Variants in GAB4 observed in about 807,000 individuals in gnomAD.
GAB4 encodes the protein GRB2 associated binding protein family member 4.
A neutral mutation model predicts 51.3 loss-of-function variants in GAB4; 26 were observed. The ratio of observed to expected loss-of-function variants is 0.51; its 90% CI spans 0.37 to 0.70. GAB4 has a LOEUF of 0.70. GAB4 is among the 30% of genes least tolerant of loss of function. GAB4 has a pLI of 0.00. For synonymous variants in GAB4, 329 were observed against 291.2 expected, an observed-to-expected ratio of 1.13 and a Z score of -1.32; for missense variants, 759 against 734.6, an observed-to-expected ratio of 1.03 and a Z score of -0.38.
At chr22:17,001,677 C>T (rs756992276) in intron 1 of GAB4, among the ~76,000 whole-genome samples, 5 of 152,182 alleles carry the variant, frequency 3.3e-5, no homozygotes, top group South Asian at 2.1e-4. Flanking sequence ...AGCTTTGCTC[C>T]GTTGCTGTAG....
At chr22:16,982,010 T>A (rs1227758709) in intron 3 of GAB4, among the ~76,000 whole-genome samples, 1 of 152,100 alleles carries the variant, frequency 6.6e-6, no homozygotes, top group African/African-American at 2.4e-5. Context: ...AAATGCTACA[T>A]CCCTTGACAA....
chr22:16,963,960 G>T, intron 8 of GAB4, 131 bp from the exon 9 acceptor site: 1 of 670,950 alleles, frequency 1.5e-6, no homozygotes, highest in Non-Finnish European at 2.6e-6. Context: ...GGCACTCTCT[G>T]CTCATTCAAA....
chr22:17,004,151 T>C (rs2061020262), intron 1 of GAB4, among the ~76,000 whole-genome samples: 1 of 152,116 alleles, frequency 6.6e-6, no homozygotes, highest in African/African-American at 2.4e-5. Context: ...AATAAACCAA[T>C]AATAAATTCT....
At chr22:16,999,725 G>C (rs2060980730) in intron 1 of GAB4, among the ~76,000 whole-genome samples, 1 of 152,126 alleles carries the variant, frequency 6.6e-6, no homozygotes, top group Admixed American at 6.5e-5. Context: ...TCTTTTAATT[G>C]TGATATTAGG....
At chr22:16,964,328 C>T (rs1447550173) in intron 8 of GAB4, among the ~76,000 whole-genome samples, 4 of 152,198 alleles carry the variant, frequency 2.6e-5, no homozygotes, top group Non-Finnish European at 5.9e-5. Flanking sequence ...AATATCTATG[C>T]AGCAACTATC....
intron 3 of GAB4, among the ~76,000 whole-genome samples, chr22:16,978,890 T>G (rs1337691506): frequency 6.6e-6 from 1 of 152,166 alleles, no homozygotes; most frequent in Non-Finnish European, 1.5e-5. Flanking sequence ...CGAAAATCAA[T>G]AAATGTAATC....
chr22:16,990,071 C>G (rs536818028), intron 2 of GAB4, among the ~76,000 whole-genome samples: 56 of 152,346 alleles, frequency 3.7e-4, no homozygotes, highest in African/African-American at 1.0e-3. Context: ...TAAGCCAGAG[C>G]CCAGGCATCA....
chr22:16,985,848 A>G (rs2060862808), intron 3 of GAB4, among the ~76,000 whole-genome samples: 1 of 152,242 alleles, frequency 6.6e-6, no homozygotes, highest in Non-Finnish European at 1.5e-5. Context: ...AAGACATACT[A>G]TATGCCCTGC....
intron 1 of GAB4, among the ~76,000 whole-genome samples, chr22:16,994,191 T>G (rs1485183393): frequency 6.6e-6 from 1 of 152,198 alleles, no homozygotes; most frequent in Non-Finnish European, 1.5e-5. Flanking sequence ...TCTCCTGTTT[T>G]GTGAAATCAC....
intron 1 of GAB4, among the ~76,000 whole-genome samples, chr22:17,003,334 T>C (rs1051126427): frequency 3.3e-5 from 5 of 152,200 alleles, no homozygotes; most frequent in African/African-American, 9.6e-5. Context: ...GTGGACCTAA[T>C]AGACATCTAC....
rs556776741 is a variant in GAB4, at chr22:16,964,943, T to C, written c.1380-81A>G. 273 of 1,064,240 alleles carry C rather than the reference T, an allele frequency of 2.6e-4. 1 individual carries two copies. The East Asian group carries it at 6.2e-3, about 24-fold the overall frequency. The allele number at this position is 1,064,240 out of a possible 1,614,324, so 65.9% of individuals were successfully genotyped here. ...AGGGCTCCAGCCTCCAGCTGGGCCC[T>C]GACTTCAAGCATCCAGGCCTCACAC... is the stretch of plus-strand genomic sequence containing the variant. On this transcript the variant is annotated intron_variant, in intron 7 of 9. Coordinates refer to ENST00000400588, the MANE Select transcript of GAB4 (RefSeq NM_001037814.1).
At position 16,963,714 on chromosome 22, in the gene GAB4, AC is replaced by A; in HGVS notation, c.1581+10del. The A allele has an allele frequency of 6.2e-7, 1 of 1,607,418 alleles. No individual in the cohort carries two copies. On this transcript the variant is annotated intron_variant, in intron 9 of 9. Coordinates refer to ENST00000400588, the MANE Select transcript of GAB4 (RefSeq NM_001037814.1). ...AAGGGCTCTGCCCAACCCCAGCTCC[AC>A]CCCAGGCACCTTGCTCGGCTGGAAG...
At chr22:16,966,503 GTCTT>G in intron 5 of GAB4, 139 bp from the exon 6 acceptor site, 6 of 851,660 alleles carry the variant, frequency 7.0e-6, no homozygotes, top group Non-Finnish European at 1.1e-5. Flanking sequence ...GGGGGCTGCT[GTCTT>G]CAGCAGCCAC....
intron 9 of GAB4, 37 bp downstream of exon 9, chr22:16,963,688 C>T (rs1342341530): frequency 1.3e-6 from 2 of 1,517,262 alleles, no homozygotes; most frequent in African/African-American, 1.4e-5. Flanking sequence ...CCCCAGGGCC[C>T]AAGGGCTCTG....
chr22:16,996,048 C>T (rs1341501257), intron 1 of GAB4, among the ~76,000 whole-genome samples: 1 of 151,842 alleles, frequency 6.6e-6, no homozygotes, highest in Non-Finnish European at 1.5e-5. Context: ...TGCAAGGAAG[C>T]TAAGAACCTT....
At chr22:16,991,762 A>G in intron 2 of GAB4, 111 bp downstream of exon 2, 1 of 916,796 alleles carries the variant, frequency 1.1e-6, no homozygotes, top group Non-Finnish European at 1.7e-6. Flanking sequence ...TAGCTTCATC[A>G]CGAGCCCAAC....
chr22:16,991,596 C>G (rs1205869218), intron 2 of GAB4, among the ~76,000 whole-genome samples: 2 of 152,130 alleles, frequency 1.3e-5, no homozygotes, highest in Non-Finnish European at 2.9e-5. Flanking sequence ...GCCAGAACAG[C>G]CAGAGATGGA....
At chr22:16,991,556 G>C (rs1385861774) in intron 2 of GAB4, among the ~76,000 whole-genome samples, 1 of 152,178 alleles carries the variant, frequency 6.6e-6, no homozygotes, top group African/African-American at 2.4e-5. Context: ...CAAGGGTCAA[G>C]TGCAACTGTG....
In GAB4 at chr22:16,970,177, GGGAGAAGCT is replaced by G. The variant is rs2060718719; in HGVS notation, c.694_702del (p.Ser232_Ser234del). ...ATGATGAATGGGGCCTCAGAACCCT[GGGAGAAGCT>G]GGCACTCCTAAGAGAGAGAAAGAAG... On this transcript the variant is annotated inframe_deletion, in exon 4 of 10. Coordinates refer to ENST00000400588, the MANE Select transcript of GAB4 (RefSeq NM_001037814.1). 2 of 1,614,106 alleles carry G rather than the reference GGGAGAAGCT, an allele frequency of 1.2e-6. No homozygotes were observed. Among genetic ancestry groups the G allele is most frequent in the Admixed American group, 1.7e-5 (1 of 60,022 alleles).
Sources: gnomAD v4.1 joint callset for allele counts (sites outside exome capture counted in the v4.1 genomes callset) on GRCh38, gnomAD v4.1.1 for gene constraint, MANE v1.5 for transcripts, NCBI Gene and HGNC (gene_info 2026-07-23, HGNC 2026-07-21) for gene names.